The following PARD3B variants were observed in gnomAD, a reference collection of about 807,000 sequenced individuals.
PARD3B encodes the protein partitioning defective 3 homolog B.
Under a neutral mutation model 130.2 loss-of-function variants are expected in PARD3B, and 103 were observed. That is an observed-to-expected ratio of 0.79 (90% CI 0.67 to 0.93). The LOEUF is 0.93. Ranked by LOEUF, PARD3B falls within the 40% of genes least tolerant of loss-of-function variation. The pLI is 0.00. For synonymous variants in PARD3B, 583 were observed against 553.2 expected (o/e 1.05, Z -0.76); for missense variants, 1,609 against 1,499.2 (o/e 1.07, Z -1.21).
chr2:205,393,031 T>C (rs2045910945), intron 18 of PARD3B, among the ~76,000 whole-genome samples: 2 of 152,190 alleles, frequency 1.3e-5, no homozygotes, highest in Non-Finnish European at 2.9e-5. Flanking sequence ...AACTCTCAAG[T>C]ACAATGGAAC....
At position 205,125,657 on chromosome 2, in the gene PARD3B, A is replaced by G. The variant is rs753593509; in HGVS notation, c.1354A>G (p.Met452Val). 1.2e-6 allele frequency: 2 copies of G among 1,614,016 alleles called. No homozygotes were observed. The highest frequency in any genetic ancestry group is 2.2e-5 in the East Asian group (1 of 44,870). The change falls in exon 10 of 23, where the codon ATG (methionine) becomes GTG (valine). Residue 452 changes from methionine to valine, a missense_variant. Coordinates refer to ENST00000406610, the MANE Select transcript of PARD3B (RefSeq NM_001302769.2). This position sits in a 1 kb window ranked among gnomAD's most constrained non-coding sequence, Gnocchi z 4.0. Reference protein sequence around the residue: ...TGRTQEELVAMLRSTKQGETA... With the variant: ...TGRTQEELVAVLRSTKQGETA... ...ACGAACCCAGGAAGAGCTTGTGGCC[A>G]TGCTCAGGAGCACCAAGCAGGGGGA... is the stretch of plus-strand genomic sequence containing the variant.
intron 5 of PARD3B, among the ~76,000 whole-genome samples, chr2:205,108,714 A>G (rs945839778): frequency 5.3e-5 from 8 of 152,036 alleles, no homozygotes; most frequent in African/African-American, 1.9e-4. Flanking sequence ...CTCCTCTGAA[A>G]CACATCACAA....
intron 3 of PARD3B, among the ~76,000 whole-genome samples, chr2:205,036,012 A>G (rs1236987719): frequency 6.9e-6 from 1 of 144,786 alleles, no homozygotes; most frequent in Non-Finnish European, 1.5e-5. Flanking sequence ...GCCTATTTTT[A>G]TGTGGCTCAG....
At chr2:204,655,912 C>T (rs1047012142) in intron 1 of PARD3B, among the ~76,000 whole-genome samples, 1 of 151,938 alleles carries the variant, frequency 6.6e-6, no homozygotes, top group African/African-American at 2.4e-5. Context: ...TTGTCTGGGC[C>T]CTTTCAGGTA....
intron 22 of PARD3B, among the ~76,000 whole-genome samples, chr2:205,595,273 G>A (rs1490000231): frequency 6.6e-6 from 1 of 152,178 alleles, no homozygotes; most frequent in African/African-American, 2.4e-5. Flanking sequence ...CCTAGTTCCA[G>A]AACAGGTGGG....
Position 205,265,668 on chromosome 2 carries a change from CATT to C in PARD3B, c.2185+19848_2185+19850del, listed in dbSNP as rs1415618400. Among the ~76,000 whole-genome samples the C allele has an allele frequency of 2.6e-5, 4 of 151,860 alleles. No homozygotes were observed. The highest frequency in any genetic ancestry group is 4.4e-5 in the Non-Finnish European group (3 of 67,902). ...GGAAAAACAATATTTTATAGGAAAA[CATT>C]AGTAACAAGAGAGATATCTTAATTT... On this transcript the variant is annotated intron_variant, in intron 16 of 22. Coordinates refer to ENST00000406610, the MANE Select transcript of PARD3B (RefSeq NM_001302769.2). The surrounding 1 kb of genome is among the most constrained non-coding windows in gnomAD (Gnocchi z 4.3).
chr2:204,955,346 T>A (rs1161448721), intron 2 of PARD3B, among the ~76,000 whole-genome samples: 1 of 152,240 alleles, frequency 6.6e-6, no homozygotes, highest in East Asian at 1.9e-4. Context: ...ATTTTAGATG[T>A]GTAAATTGTT....
rs1033957020 is a variant in PARD3B at position 205,176,741 on chromosome 2, C to T, written c.1924+164C>T. On this transcript the variant is annotated intron_variant, in intron 13 of 22. Coordinates refer to ENST00000406610, the MANE Select transcript of PARD3B (RefSeq NM_001302769.2). This position sits in a 1 kb window ranked among gnomAD's most constrained non-coding sequence, Gnocchi z 5.3. ...TGAGAGAGTTGGGGGAGAGCTGACT[C>T]AGAACTTGTGAATCAGATTCCTGGC... 1.2e-4 allele frequency among the ~76,000 whole-genome samples: 18 copies of T among 151,916 alleles called. No individual in the cohort carries two copies. The highest frequency in any genetic ancestry group is 3.9e-4 in the African/African-American group (16 of 41,360).
chr2:205,512,282 A>G (rs933196325), intron 21 of PARD3B, among the ~76,000 whole-genome samples: 1 of 152,158 alleles, frequency 6.6e-6, no homozygotes, highest in African/African-American at 2.4e-5. Context: ...AAAAGTTGAT[A>G]CCACTGAATT....
intron 15 of PARD3B, among the ~76,000 whole-genome samples, chr2:205,223,392 G>T (rs1487220698): frequency 6.6e-6 from 1 of 152,128 alleles, no homozygotes. Context: ...ACAGAGGTGG[G>T]TCAAGAGCAA....
intron 10 of PARD3B, among the ~76,000 whole-genome samples, chr2:205,156,309 G>A (rs1324856754): frequency 1.3e-5 from 2 of 150,670 alleles, no homozygotes; most frequent in African/African-American, 2.5e-5. Flanking sequence ...TATACCTAAT[G>A]CTAAATGACG....
intron 21 of PARD3B, among the ~76,000 whole-genome samples, chr2:205,520,831 T>C (rs1258975283): frequency 1.3e-5 from 2 of 152,086 alleles, no homozygotes; most frequent in Non-Finnish European, 2.9e-5. Context: ...GAATTTAATG[T>C]TTAATGCATA....
chr2:205,360,603 C>T (rs1321117782), intron 18 of PARD3B, among the ~76,000 whole-genome samples: 1 of 152,142 alleles, frequency 6.6e-6, no homozygotes, highest in Non-Finnish European at 1.5e-5. Context: ...TTTCCAACAC[C>T]AATCACAAAA....
At chr2:204,767,052 G>T in intron 2 of PARD3B, among the ~76,000 whole-genome samples, 1 of 117,998 alleles carries the variant, frequency 8.5e-6, no homozygotes, top group African/African-American at 3.2e-5. Flanking sequence ...ACATTGTGCA[G>T]GTTAGTTACA....
In PARD3B at chr2:205,156,318, C is replaced by T. The variant is rs569933502; in HGVS notation, c.1435-2404C>T. Reference sequence around the variant, plus strand: ...AGGAGATATACCTAATGCTAAATGACGAGTTAATGGGTGCAGCACACCAGC... The same window carrying T: ...AGGAGATATACCTAATGCTAAATGATGAGTTAATGGGTGCAGCACACCAGC... On this transcript the variant is annotated intron_variant, in intron 10 of 22. Transcript: ENST00000406610. 2.7e-3 allele frequency among the ~76,000 whole-genome samples: 404 copies of T among 149,768 alleles called. 2 individuals are homozygous for T. Among genetic ancestry groups the T allele is most frequent in the South Asian group, 5.5e-3 (26 of 4,710 alleles).
At chr2:204,957,519 T>C (rs1445928539) in intron 2 of PARD3B, among the ~76,000 whole-genome samples, 1 of 152,104 alleles carries the variant, frequency 6.6e-6, no homozygotes, top group Non-Finnish European at 1.5e-5. Flanking sequence ...TTGAACTTTA[T>C]GAGAATCAGA....
chr2:204,636,338 C>A (rs2034873730), intron 1 of PARD3B, among the ~76,000 whole-genome samples: 1 of 151,886 alleles, frequency 6.6e-6, no homozygotes, highest in African/African-American at 2.4e-5. Flanking sequence ...ATGAAAAGTC[C>A]AGGTCAGGTT....
intron 1 of PARD3B, among the ~76,000 whole-genome samples, chr2:204,668,490 C>T (rs1233049007): frequency 1.3e-5 from 2 of 152,136 alleles, no homozygotes; most frequent in Admixed American, 6.6e-5. Context: ...TTTGACTCAA[C>T]GTTTCCTGAA....
intron 18 of PARD3B, among the ~76,000 whole-genome samples, chr2:205,346,041 C>G (rs149162545): frequency 0.069 from 9,012 of 130,292 alleles, 700 homozygotes; most frequent in African/African-American, 0.18. Flanking sequence ...CGTGGTGGCG[C>G]ACGCCTGTAG....
Sources: allele counts gnomAD v4.1 joint callset (sites outside exome capture counted in the v4.1 genomes callset), GRCh38; gene constraint gnomAD v4.1.1; non-coding constraint Gnocchi (gnomAD v3.1); transcripts MANE v1.5; gene names NCBI Gene and HGNC (gene_info 2026-07-23, HGNC 2026-07-21).